ERMAP: variants seen among roughly 807,000 people sequenced by gnomAD.
ERMAP encodes the protein erythroid membrane-associated protein.
In ERMAP, 34 loss-of-function variants were observed where a neutral mutation model predicts 49.5. That is an observed-to-expected ratio of 0.69 (90% confidence interval 0.52 to 0.91). The LOEUF is 0.91. ERMAP is among the 40% of genes least tolerant of loss of function. The pLI, the probability that ERMAP is intolerant of heterozygous loss-of-function variation, is 0.00. For missense variants in ERMAP, 541 were observed against 582.6 expected (o/e 0.93, Z 0.74); for synonymous variants, 214 against 232.2 (o/e 0.92, Z 0.71).
rs543001910 is a variant in ERMAP at position 42,830,446 on chromosome 1, C to T, written c.-3C>T. 5.8e-5 allele frequency: 94 copies of T among 1,614,070 alleles called. No homozygotes were observed. The highest frequency in any genetic ancestry group is 3.8e-4 in the East Asian group (17 of 44,880). ...CTGTCTCCCTCTGTCTGTCCTAGTT[C>T]GGATGGAGATGGCGAGTTCTGCTGG... On this transcript the variant is annotated splice_region_variant and 5_prime_UTR_variant, in exon 3 of 12. Transcript: ENST00000372517.
chr1:42,839,023 A>G (rs1654983555), intron 8 of ERMAP, 102 bp downstream of exon 8: 2 of 1,593,806 alleles, frequency 1.3e-6, no homozygotes, highest in African/African-American at 2.7e-5. Flanking sequence ...GGGAGGGGGT[A>G]CTGGTAATTC....
At chr1:42,822,380 C>T (rs978174762) in intron 1 of ERMAP, among the ~76,000 whole-genome samples, 5 of 152,126 alleles carry the variant, frequency 3.3e-5, no homozygotes, top group African/African-American at 7.2e-5. Flanking sequence ...GACAGGATTT[C>T]GCAATGTTGG....
intron 4 of ERMAP, among the ~76,000 whole-genome samples, chr1:42,834,346 G>C (rs1654832251): frequency 6.6e-6 from 1 of 152,200 alleles, no homozygotes; most frequent in South Asian, 2.1e-4. Context: ...AGTGAGGATT[G>C]ACAGGGGTAA....
chr1:42,842,820 A>G lies in ERMAP; in HGVS notation c.1016A>G (p.Tyr339Cys). Residue 339 changes from tyrosine (Y) to cysteine (C), a missense_variant, in exon 12 of 12, where the codon TAT becomes TGT. Physicochemically the swap from Tyr to Cys is radical, Grantham distance 194 (BLOSUM62 -2). Transcript: ENST00000372517. ...WLLRQSRGNE[Y>C]EALTSPQTSF... ...CTGCGACAGAGTCGTGGGAATGAGT[A>G]TGAAGCTCTCACATCCCCGCAGACC... The G allele has an allele frequency of 6.2e-7, 1 of 1,614,208 alleles. No homozygotes were observed. Among genetic ancestry groups the G allele is most frequent in the Non-Finnish European group, 8.5e-7 (1 of 1,180,034 alleles).
chr1:42,825,366 A>T, intron 1 of ERMAP: 1 of 569,660 alleles, frequency 1.8e-6, no homozygotes, highest in Non-Finnish European at 2.2e-6. Flanking sequence ...AAAACGCATC[A>T]GAGGGAATTA....
chr1:42,825,835 A>G lies in ERMAP; in HGVS notation c.-6+97A>G. On this transcript the variant is annotated intron_variant, in intron 2 of 11. Transcript: ENST00000372517. ...AATAATCCCCTTTCTCCTTACGCAC[A>G]AGAACATTTTCAAGGGTGAAATGGG... 2.4e-6 allele frequency: 3 copies of G among 1,233,778 alleles called. No individual in the cohort carries two copies. The East Asian group carries it at 1.7e-4, about 72-fold the overall frequency. 76.4% of individuals were successfully genotyped at this position (1,233,778 alleles called of 1,614,324 possible). A position where few individuals can be genotyped will look rare whatever the true frequency, so the allele number is the denominator to read the frequency against.
chr1:42,833,413 T>C (rs1654805373), intron 4 of ERMAP, among the ~76,000 whole-genome samples: 1 of 152,234 alleles, frequency 6.6e-6, no homozygotes, highest in African/African-American at 2.4e-5. Context: ...TTTACACATG[T>C]GTATTCTTGT....
At chr1:42,824,285 T>C (rs1447059421) in intron 1 of ERMAP, among the ~76,000 whole-genome samples, 3 of 151,574 alleles carry the variant, frequency 2.0e-5, no homozygotes, top group African/African-American at 2.4e-5. Flanking sequence ...GAGGCGGAGC[T>C]TGCAGTGAGC....
chr1:42,817,309 C>A, intron 1 of ERMAP, 56 bp downstream of exon 1: 3 of 1,172,654 alleles, frequency 2.6e-6, no homozygotes, highest in Non-Finnish European at 3.3e-6. Flanking sequence ...CACCGCCCCT[C>A]GTCCTGGGCG....
chr1:42,817,165 G>T lies in ERMAP; in HGVS notation c.-210G>T, dbSNP rs546105694. 3.3e-6 allele frequency: 4 copies of T among 1,205,546 alleles called. No individual in the cohort carries two copies. In the African/African-American group the frequency reaches 4.9e-5, roughly 15 times the overall value. The allele number at this position is 1,205,546 out of a possible 1,614,324, so 74.7% of individuals were successfully genotyped here. On this transcript the variant is annotated 5_prime_UTR_variant, in exon 1 of 12. Transcript: ENST00000372517. ...GAAAATGGCGGTCGCTGGAGCCGCC[G>T]ACCAAGAGGCTTGGGAGTCTGTACC...
At chr1:42,835,650 C>G in intron 5 of ERMAP, 82 bp from the exon 6 acceptor site, 1 of 1,578,534 alleles carries the variant, frequency 6.3e-7, no homozygotes, top group Non-Finnish European at 8.6e-7. Context: ...CCTACTCAGG[C>G]AGCTGGGGGC....
At chr1:42,826,656 G>C (rs2124296869) in intron 2 of ERMAP, among the ~76,000 whole-genome samples, 1 of 152,158 alleles carries the variant, frequency 6.6e-6, no homozygotes, top group East Asian at 1.9e-4. Context: ...AGGAGTTCGA[G>C]ACCATCCTGG....
chr1:42,817,484 T>C (rs1488818956), intron 1 of ERMAP: 2 of 169,914 alleles, frequency 1.2e-5, no homozygotes, highest in African/African-American at 4.8e-5. Context: ...CCGGGGTGGG[T>C]GGTGGTTACG....
rs1219845045 is a variant in ERMAP at position 42,830,515 on chromosome 1, C to A, written c.67C>A (p.Leu23Met). ...CCTCATCCCTCTCGTCTTCCTCCGG[C>A]TGTCTGTGCATGTGTCAGGTAGGAG... The part of the protein sequence containing the change: ...GCLIPLVFLR[L>M]SVHVSGHAGD... Residue 23 changes from leucine (L) to methionine (M), a missense_variant, in exon 3 of 12, where the codon CTG (leucine) becomes ATG (methionine). Physicochemically the swap from Leu to Met is conservative, Grantham distance 15. Transcript: ENST00000372517. The A allele has an allele frequency of 8.1e-6, 13 of 1,614,004 alleles. No individual in the cohort carries two copies. Among genetic ancestry groups the A allele is most frequent in the Non-Finnish European group, 1.1e-5 (13 of 1,180,000 alleles).
At chr1:42,842,399 A>G (rs1655081664) in intron 11 of ERMAP, 118 bp from the exon 12 acceptor site, 2 of 843,894 alleles carry the variant, frequency 2.4e-6, no homozygotes, top group Non-Finnish European at 3.6e-6. Flanking sequence ...GGAATCCATG[A>G]ACTAAAATGG....
At position 42,842,839 on chromosome 1, in the gene ERMAP, G is replaced by A. The variant is rs138178066; in HGVS notation, c.1035G>A (p.Pro345=). 621 of 1,614,136 alleles carry A rather than the reference G, an allele frequency of 3.8e-4. No homozygotes were observed. Among genetic ancestry groups the A allele is most frequent in the African/African-American group, 1.4e-3 (102 of 75,022 alleles). The change falls in exon 12 of 12, where the codon CCG becomes CCA. Residue 345 remains proline (P), a synonymous_variant. Transcript: ENST00000372517. ...ATGAGTATGAAGCTCTCACATCCCC[G>A]CAGACCTCCTTCCGCCTTAAAGAGC... ...RGNEYEALTS[P]QTSFRLKEPP...
chr1:42,823,202 C>T (rs60841603), intron 1 of ERMAP, among the ~76,000 whole-genome samples: 2,302 of 152,166 alleles, frequency 0.015, 69 homozygotes, highest in African/African-American at 0.052. Context: ...TAGCAATGAC[C>T]TTTTTATACT....
At chr1:42,825,552 T>G in intron 1 of ERMAP, 71 bp from the exon 2 acceptor site, 6 of 1,221,492 alleles carry the variant, frequency 4.9e-6, no homozygotes, top group Admixed American at 3.0e-5. Context: ...AAGGGAGTTC[T>G]GTGGGGGCAG....
intron 1 of ERMAP, among the ~76,000 whole-genome samples, chr1:42,823,600 G>A (rs1654456666): frequency 6.6e-6 from 1 of 152,148 alleles, no homozygotes; most frequent in Non-Finnish European, 1.5e-5. Flanking sequence ...ATTATACTTT[G>A]TCTTTCAGCT....
Sources: gnomAD v4.1 joint callset for allele counts (sites outside exome capture counted in the v4.1 genomes callset) on GRCh38, gnomAD v4.1.1 for gene constraint, MANE v1.5 for transcripts, NCBI Gene and HGNC (gene_info 2026-07-23, HGNC 2026-07-21) for gene names.